The following RBFOX3 variants were observed in gnomAD, a reference collection of about 807,000 sequenced individuals.
The protein encoded by RBFOX3 is RNA binding protein fox-1 homolog 3.
Under a neutral mutation model 48.7 loss-of-function variants are expected in RBFOX3, and 17 were observed. The observed-to-expected ratio is 0.35, with a 90% confidence interval of 0.24 to 0.52. The LOEUF is 0.52. RBFOX3 is among the 20% of genes least tolerant of loss of function. The pLI is 0.94. For synonymous variants in RBFOX3, 212 were observed against 209.5 expected (o/e 1.01, Z -0.10); for missense variants, 382 against 497.5 (o/e 0.77, Z 2.21).
At chr17:79,549,847 G>A (rs567833386) in intron 1 of RBFOX3, among the ~76,000 whole-genome samples, 41 of 152,300 alleles carry the variant, frequency 2.7e-4, no homozygotes, top group African/African-American at 8.2e-4. Context: ...ATGTCGAATC[G>A]TCATAAAAAG....
intron 3 of RBFOX3, among the ~76,000 whole-genome samples, chr17:79,287,325 A>T (rs2072171799): frequency 6.6e-6 from 1 of 152,050 alleles, no homozygotes; most frequent in African/African-American, 2.4e-5. Context: ...CTCCCCACCC[A>T]CAGGGGGCCC....
the RBFOX3 span, among the ~76,000 whole-genome samples, chr17:79,627,711 G>A: frequency 6.6e-6 from 1 of 152,282 alleles, no homozygotes. Flanking sequence ...GAGGTGAGCT[G>A]CTTATTGCTG....
At chr17:79,186,389 G>A (rs907919686) in intron 4 of RBFOX3, among the ~76,000 whole-genome samples, 4 of 152,276 alleles carry the variant, frequency 2.6e-5, no homozygotes, top group African/African-American at 9.6e-5. Flanking sequence ...CGCTGTGATC[G>A]TTTCAGAGTG....
At chr17:79,431,687 G>A (rs1453270194) in intron 2 of RBFOX3, among the ~76,000 whole-genome samples, 1 of 152,112 alleles carries the variant, frequency 6.6e-6, no homozygotes, top group Non-Finnish European at 1.5e-5. Flanking sequence ...GTTTCACCAT[G>A]TTGGCCAGGC....
chr17:79,416,044 G>GCCT (rs1228977002), intron 2 of RBFOX3, among the ~76,000 whole-genome samples: 14 of 152,206 alleles, frequency 9.2e-5, no homozygotes, highest in Admixed American at 3.9e-4. Flanking sequence ...TTCTGCCGCC[G>GCCT]CCTCTTCCTC....
chr17:79,341,261 C>T (rs1406028010), intron 2 of RBFOX3, among the ~76,000 whole-genome samples: 1 of 152,130 alleles, frequency 6.6e-6, no homozygotes, highest in Non-Finnish European at 1.5e-5. Context: ...CATGTGTGTG[C>T]ACAGGTGTGC....
At chr17:79,119,006 A>AG (rs1404891346) in intron 4 of RBFOX3, among the ~76,000 whole-genome samples, 8 of 116,970 alleles carry the variant, frequency 6.8e-5, no homozygotes, top group Non-Finnish European at 1.4e-4. Context: ...AAGAAAATAA[A>AG]ATAAAAAAGA....
intron 1 of RBFOX3, among the ~76,000 whole-genome samples, chr17:79,548,540 A>G (rs2090782466): frequency 5.9e-5 from 9 of 152,158 alleles, no homozygotes; most frequent in Admixed American, 5.2e-4. Context: ...GGTATGAACT[A>G]AGAGGCTGTC....
chr17:79,419,335 T>C (rs2065873800), intron 2 of RBFOX3, among the ~76,000 whole-genome samples: 1 of 152,208 alleles, frequency 6.6e-6, no homozygotes, highest in Non-Finnish European at 1.5e-5. Context: ...ATGTCCATCA[T>C]CAGAGGTGTT....
rs953842841 is a variant in RBFOX3, at chr17:79,579,009, C to A, written c.-320+31817G>T. Among the ~76,000 whole-genome samples the A allele has an allele frequency of 8.4e-4, 128 of 152,362 alleles. 1 individual carries two copies. Among genetic ancestry groups the A allele is most frequent in the Admixed American group, 5.4e-3 (83 of 15,310 alleles). On this transcript the variant is annotated intron_variant, in intron 1 of 14. Coordinates refer to ENST00000693108, the MANE Select transcript of RBFOX3 (RefSeq NM_001350451.2). ...CTTCAGACTCAGCCTCCTGCCCCCT[C>A]AACGTCCTGAGCATCGTGCTTGGTC...
intron 4 of RBFOX3, among the ~76,000 whole-genome samples, chr17:79,175,152 G>A (rs1205609971): frequency 6.6e-6 from 1 of 152,226 alleles, no homozygotes; most frequent in Non-Finnish European, 1.5e-5. Flanking sequence ...TGACTCATGG[G>A]GGTCTGACAC....
At chr17:79,425,483 T>C (rs2067199219) in intron 2 of RBFOX3, among the ~76,000 whole-genome samples, 1 of 152,194 alleles carries the variant, frequency 6.6e-6, no homozygotes, top group Non-Finnish European at 1.5e-5. Flanking sequence ...TGTCCACAGC[T>C]GCCAAGGATG....
chr17:79,536,882 G>A (rs1027147650), intron 1 of RBFOX3, among the ~76,000 whole-genome samples: 5 of 152,188 alleles, frequency 3.3e-5, no homozygotes, highest in Non-Finnish European at 7.4e-5. Flanking sequence ...TCAGGAGATC[G>A]AGACCATCCT....
At chr17:79,378,030 A>C (rs984708064) in intron 2 of RBFOX3, among the ~76,000 whole-genome samples, 2 of 152,226 alleles carry the variant, frequency 1.3e-5, no homozygotes, top group African/African-American at 4.8e-5. Flanking sequence ...ATGCAGTCAC[A>C]AACTATAATA....
chr17:79,631,281 G>A, the RBFOX3 span, among the ~76,000 whole-genome samples: 2 of 152,094 alleles, frequency 1.3e-5, no homozygotes, highest in African/African-American at 4.8e-5. Flanking sequence ...AAATTCATCA[G>A]GAAGTGTGGG....
At chr17:79,534,523 G>A (rs1271786675) in intron 1 of RBFOX3, among the ~76,000 whole-genome samples, 4 of 152,178 alleles carry the variant, frequency 2.6e-5, no homozygotes, top group African/African-American at 7.2e-5. Flanking sequence ...TCTGCCAGAC[G>A]CTCCCCAGGT....
At chr17:79,117,233 G>A (rs998542393) in intron 4 of RBFOX3, among the ~76,000 whole-genome samples, 30 of 152,234 alleles carry the variant, frequency 2.0e-4, no homozygotes, top group African/African-American at 4.8e-5. Context: ...CCTCTGCCTG[G>A]AGCAGCCCAG....
intron 4 of RBFOX3, among the ~76,000 whole-genome samples, chr17:79,217,898 G>T (rs377217157): frequency 8.5e-5 from 13 of 152,140 alleles, no homozygotes; most frequent in African/African-American, 2.9e-4. Flanking sequence ...GGAAGGAGGT[G>T]CGGGGTGAGG....
At chr17:79,621,247 C>CA in the RBFOX3 span, among the ~76,000 whole-genome samples, 3 of 152,300 alleles carry the variant, frequency 2.0e-5, no homozygotes, top group African/African-American at 7.2e-5. Context: ...GATCCGCCCG[C>CA]CTCGGCCTCC....
Sources: allele counts gnomAD v4.1 joint callset (sites outside exome capture counted in the v4.1 genomes callset), GRCh38; gene constraint gnomAD v4.1.1; transcripts MANE v1.5; gene names NCBI Gene and HGNC (gene_info 2026-07-23, HGNC 2026-07-21).